Variants in UGT1A7 observed in about 807,000 individuals in gnomAD.
UGT1A7 encodes the protein UDP-glucuronosyltransferase 1A7.
In UGT1A7, 33 loss-of-function variants were observed where a neutral mutation model predicts 45.6. The ratio of observed to expected loss-of-function variants is 0.72; its 90% CI spans 0.55 to 0.97. UGT1A7 has a LOEUF of 0.97. Among genes scored for constraint, UGT1A7 ranks in the 50% least tolerant of loss-of-function variants. UGT1A7 has a pLI of 0.00. For synonymous variants in UGT1A7, 274 were observed against 250.6 expected (o/e 1.09, Z -0.88); for missense variants, 684 against 666.2 (o/e 1.03, Z -0.29).
At chr2:233,712,194 G>T (rs796216388) in intron 1 of UGT1A7, among the ~76,000 whole-genome samples, 1 of 152,168 alleles carries the variant, frequency 6.6e-6, no homozygotes, top group Non-Finnish European at 1.5e-5. Context: ...CAGCTCCCCC[G>T]GTCCCTTGGT....
intron 1 of UGT1A7, among the ~76,000 whole-genome samples, chr2:233,717,585 G>A (rs1198463102): frequency 2.6e-5 from 4 of 152,254 alleles, no homozygotes; most frequent in Admixed American, 6.5e-5. Context: ...AGACACAGAG[G>A]TAGTGAGATG....
rs1019965389 is a variant in UGT1A7, at chr2:233,761,222, C to A, written c.856-5812C>A. 2.1e-5 allele frequency: 34 copies of A among 1,613,256 alleles called. No homozygotes were observed. In the African/African-American group the frequency reaches 4.4e-4, roughly 21 times the overall value. ...GTATTACTTTGGATCGATTAACTAG[C>A]CCCAGATATATGCTGAGCAAGCATT... On this transcript the variant is annotated intron_variant, in intron 1 of 4. Coordinates refer to ENST00000373426, the MANE Select transcript of UGT1A7 (RefSeq NM_019077.3).
chr2:233,760,609 C>T lies in UGT1A7; in HGVS notation c.856-6425C>T, dbSNP rs587784538. 50 of 1,614,060 alleles carry T rather than the reference C, an allele frequency of 3.1e-5. 1 individual carries two copies. The South Asian group carries it at 3.7e-4, about 12-fold the overall frequency. On this transcript the variant is annotated intron_variant, in intron 1 of 4. Transcript: ENST00000373426. Reference sequence around the variant, plus strand: ...TTTTGAGAATGATTCTTTCCTGCAGCGTGTGATCAAAACATACAAGAAAAT... The same window carrying T: ...TTTTGAGAATGATTCTTTCCTGCAGTGTGTGATCAAAACATACAAGAAAAT...
intron 1 of UGT1A7, among the ~76,000 whole-genome samples, chr2:233,689,021 C>A (rs10171367): frequency 6.6e-6 from 1 of 151,956 alleles, no homozygotes; most frequent in Non-Finnish European, 1.5e-5. Flanking sequence ...ATAAACATGG[C>A]CAAGTGGAAA....
chr2:233,750,385 TG>T (rs1415350157), intron 1 of UGT1A7, among the ~76,000 whole-genome samples: 2 of 151,950 alleles, frequency 1.3e-5, no homozygotes, highest in Non-Finnish European at 2.9e-5. Flanking sequence ...CATAAAAGTT[TG>T]GAAAATTTGC....
intron 1 of UGT1A7, among the ~76,000 whole-genome samples, chr2:233,707,043 G>C (rs561019042): frequency 3.9e-5 from 6 of 152,134 alleles, no homozygotes; most frequent in South Asian, 2.1e-4. Context: ...GGTAGAGGAA[G>C]CTGCTCAGGT....
chr2:233,772,134 T>C (rs1486740901), intron 4 of UGT1A7, 128 bp from the exon 5 acceptor site: 2 of 1,545,866 alleles, frequency 1.3e-6, no homozygotes, highest in Non-Finnish European at 1.7e-6. Flanking sequence ...ACAACAACAA[T>C]AATAGAAACA....
chr2:233,704,870 A>G (rs2075810941), intron 1 of UGT1A7, among the ~76,000 whole-genome samples: 1 of 152,098 alleles, frequency 6.6e-6, no homozygotes, highest in Admixed American at 6.5e-5. Flanking sequence ...ACGGTGGCTC[A>G]CTCCTGTAAT....
rs45454101 is a variant in UGT1A7 at position 233,718,617 on chromosome 2, G to A, written c.855+35825G>A. ...GTCAGATGAGCTTTTCAAGATAGGC[G>A]TGATTGGTCTTTCCCAGGGTTGGGC... On this transcript the variant is annotated intron_variant, in intron 1 of 4. Transcript: ENST00000373426. 0.029 allele frequency: 25,009 copies of A among 870,400 alleles called. 378 individuals are homozygous for A. The highest frequency in any genetic ancestry group is 0.033 in the African/African-American group (1,793 of 55,048). The allele number at this position is 870,400 out of a possible 1,614,324, so 53.9% of individuals were successfully genotyped here.
chr2:233,703,466 A>G (rs2075740155), intron 1 of UGT1A7, among the ~76,000 whole-genome samples: 1 of 151,304 alleles, frequency 6.6e-6, no homozygotes, highest in African/African-American at 2.4e-5. Context: ...TCTATTCTTT[A>G]TTATTTTCTG....
At chr2:233,732,788 G>T (rs1197919428) in intron 1 of UGT1A7, among the ~76,000 whole-genome samples, 1 of 148,664 alleles carries the variant, frequency 6.7e-6, no homozygotes, top group Non-Finnish European at 1.5e-5. Context: ...GATTGTCTTG[G>T]CAATGCAGGC....
At chr2:233,720,540 C>T (rs1283139859) in intron 1 of UGT1A7, among the ~76,000 whole-genome samples, 3 of 152,068 alleles carry the variant, frequency 2.0e-5, no homozygotes, top group African/African-American at 7.2e-5. Context: ...CACCCTATCC[C>T]ACTCCAAGTT....
In UGT1A7 at chr2:233,763,074, C is replaced by T. The variant is rs112277298; in HGVS notation, c.856-3960C>T. On this transcript the variant is annotated intron_variant, in intron 1 of 4. Coordinates refer to ENST00000373426, the MANE Select transcript of UGT1A7 (RefSeq NM_019077.3). ...TTGATTTAGATAATTTCCTTCTTTGCGTGAGGATGTTTGTAGGAGAGGCAC... is the reference window on the plus strand; with the variant it reads ...TTGATTTAGATAATTTCCTTCTTTGTGTGAGGATGTTTGTAGGAGAGGCAC... Among the ~76,000 whole-genome samples, 590 of 152,258 alleles carry T rather than the reference C, an allele frequency of 3.9e-3. 2 individuals are homozygous for T. Among genetic ancestry groups the T allele is most frequent in the Admixed American group, 5.9e-3 (90 of 15,292 alleles).
chr2:233,769,592 C>T lies in UGT1A7; in HGVS notation c.1295+1153C>T, dbSNP rs199786512. ...TGGAGCATGTTCAGATGAGAGGAGA[C>T]GGAACACGGGGACACACCAGCTTGA... On this transcript the variant is annotated intron_variant, in intron 4 of 4. Transcript: ENST00000373426. This position sits in a 1 kb window ranked among gnomAD's most constrained non-coding sequence, Gnocchi z 4.4. The T allele has an allele frequency of 1.8e-3, 2,836 of 1,612,822 alleles. 7 individuals carry two copies. The highest frequency in any genetic ancestry group is 2.6e-3 in the Middle Eastern group (16 of 6,052).
Position 233,755,239 on chromosome 2 carries a change from G to A in UGT1A7, c.856-11795G>A, listed in dbSNP as rs1377553031. On this transcript the variant is annotated intron_variant, in intron 1 of 4. Transcript: ENST00000373426. Reference sequence around the variant, plus strand: ...ATACCCTCGGACGAGGCCTACCGGGGTACTCCCAGCACCTCGTAGTAGTCC... The same window carrying A: ...ATACCCTCGGACGAGGCCTACCGGGATACTCCCAGCACCTCGTAGTAGTCC... 1.2e-5 allele frequency: 11 copies of A among 885,954 alleles called. No individual in the cohort carries two copies. In the South Asian group the frequency reaches 1.4e-4, roughly 11 times the overall value. The allele number at this position is 885,954 out of a possible 1,614,324, so 54.9% of individuals were successfully genotyped here.
chr2:233,689,286 G>A (rs2074935092), intron 1 of UGT1A7, among the ~76,000 whole-genome samples: 1 of 152,072 alleles, frequency 6.6e-6, no homozygotes, highest in African/African-American at 2.4e-5. Flanking sequence ...CTAAACTGGG[G>A]TTCACTCACC....
At chr2:233,734,917 G>A (rs965822132) in intron 1 of UGT1A7, among the ~76,000 whole-genome samples, 3 of 152,162 alleles carry the variant, frequency 2.0e-5, no homozygotes, top group Non-Finnish European at 4.4e-5. Context: ...ATTTGCTAAG[G>A]AGTGCTTTAC....
In UGT1A7 at chr2:233,772,466, C is replaced by T. The variant is rs1700524185; in HGVS notation, c.1500C>T (p.Ala500=). 6.2e-7 allele frequency: 1 copy of T among 1,614,030 alleles called. No individual in the cohort carries two copies. The highest frequency in any genetic ancestry group is 1.3e-5 in the African/African-American group (1 of 74,904). The change falls in exon 5 of 5, where the codon GCC becomes GCT. Residue 500 remains alanine, a synonymous_variant. Transcript: ENST00000373426. ...GFLLAVVLTV[A]FITFKCCAYG... Reference sequence around the variant, plus strand: ...TCTTGGCCGTCGTGCTGACAGTGGCCTTCATCACCTTTAAATGTTGTGCTT... The same window carrying T: ...TCTTGGCCGTCGTGCTGACAGTGGCTTTCATCACCTTTAAATGTTGTGCTT...
intron 1 of UGT1A7, among the ~76,000 whole-genome samples, chr2:233,698,816 G>GGAA (rs2075464493): frequency 6.6e-6 from 1 of 152,238 alleles, no homozygotes; most frequent in African/African-American, 2.4e-5. Context: ...CTCGCCTTGT[G>GGAA]GAAGAGTAAG....
Sources: allele counts gnomAD v4.1 joint callset (sites outside exome capture counted in the v4.1 genomes callset), GRCh38; gene constraint gnomAD v4.1.1; non-coding constraint Gnocchi (gnomAD v3.1); transcripts MANE v1.5; gene names NCBI Gene and HGNC (gene_info 2026-07-23, HGNC 2026-07-21).